CNBD1: variants seen among roughly 807,000 people sequenced by gnomAD.
The protein encoded by CNBD1 is cyclic nucleotide binding domain containing 1.
Under a neutral mutation model 54.4 loss-of-function variants are expected in CNBD1, and 71 were observed. The ratio of observed to expected loss-of-function variants is 1.30; its 90% CI spans 1.08 to 1.59. The LOEUF (loss-of-function observed/expected upper bound fraction) is 1.59. Ranked by LOEUF, CNBD1 falls within the 40% of genes most tolerant of loss-of-function variation. CNBD1 has a pLI of 0.00. For synonymous variants in CNBD1, 182 were observed against 170.7 expected (o/e 1.07, Z -0.51); for missense variants, 659 against 518.0 (o/e 1.27, Z -2.64).
At chr8:86,965,625 C>T (rs1481509630) in intron 4 of CNBD1, among the ~76,000 whole-genome samples, 3 of 152,158 alleles carry the variant, frequency 2.0e-5, no homozygotes, top group Non-Finnish European at 4.4e-5. Context: ...CTCACCCTTC[C>T]TGCAGATGAG....
At chr8:87,071,312 C>A (rs77729442) in intron 4 of CNBD1, among the ~76,000 whole-genome samples, 1,623 of 152,202 alleles carry the variant, frequency 0.011, 33 homozygotes, top group African/African-American at 0.034. Flanking sequence ...TATAGTTCTA[C>A]ATGTGGCAAT....
chr8:87,068,908 C>T (rs1307031029), intron 4 of CNBD1, among the ~76,000 whole-genome samples: 9 of 152,010 alleles, frequency 5.9e-5, no homozygotes, highest in African/African-American at 2.2e-4. Context: ...CACTCTCATA[C>T]AGAAAGAAAA....
Position 87,173,413 on chromosome 8 carries a change from A to G in CNBD1, c.432-32580A>G, listed in dbSNP as rs1316828284. Among the ~76,000 whole-genome samples the G allele has an allele frequency of 2.0e-5, 3 of 152,134 alleles. No homozygotes were observed. The East Asian group carries it at 5.8e-4, about 29-fold the overall frequency. ...TCAGATGATTTCTTATTGCTCATTA[A>G]CTTTCTTTTCTTTCTGATTGAAGTA... On this transcript the variant is annotated intron_variant, in intron 4 of 10. Coordinates refer to ENST00000518476, the MANE Select transcript of CNBD1 (RefSeq NM_173538.3).
At chr8:87,368,797 C>T (rs1810697651) in intron 10 of CNBD1, among the ~76,000 whole-genome samples, 1 of 151,954 alleles carries the variant, frequency 6.6e-6, no homozygotes, top group African/African-American at 2.4e-5. Context: ...CCTTGCTTGT[C>T]TCATTTTATC....
intron 6 of CNBD1, among the ~76,000 whole-genome samples, chr8:87,248,057 T>C (rs7462260): frequency 0.64 from 97,475 of 152,036 alleles, 31,617 homozygotes; most frequent in Middle Eastern, 0.7. Context: ...AGACTTTAAT[T>C]GTTCTGCAGC....
At chr8:87,134,526 T>C (rs1268733192) in intron 4 of CNBD1, among the ~76,000 whole-genome samples, 4 of 151,980 alleles carry the variant, frequency 2.6e-5, no homozygotes, top group Admixed American at 1.3e-4. Flanking sequence ...CAGAAAACTT[T>C]TTTAATTGTT....
intron 4 of CNBD1, among the ~76,000 whole-genome samples, chr8:87,158,705 C>T (rs1366728784): frequency 3.9e-5 from 6 of 152,094 alleles, no homozygotes; most frequent in Non-Finnish European, 7.4e-5. Context: ...GTAATGGATG[C>T]TCTGGTACTG....
intron 4 of CNBD1, among the ~76,000 whole-genome samples, chr8:87,089,087 A>G (rs755951178): frequency 2.6e-5 from 4 of 152,140 alleles, no homozygotes; most frequent in African/African-American, 7.2e-5. Flanking sequence ...AAGAGAAACA[A>G]AAGATGTAAA....
chr8:87,412,899 A>T (rs908995927), intron 2 of CNBD1, among the ~76,000 whole-genome samples: 1 of 152,052 alleles, frequency 6.6e-6, no homozygotes, highest in Admixed American at 6.6e-5. Context: ...GGAATAGAGA[A>T]AAAGTCAATT....
At chr8:87,327,062 C>A (rs915577103) in intron 8 of CNBD1, among the ~76,000 whole-genome samples, 5 of 149,610 alleles carry the variant, frequency 3.3e-5, no homozygotes, top group South Asian at 2.1e-4. Flanking sequence ...AATACCCTGC[C>A]GTGTGAGGTG....
intron 4 of CNBD1, among the ~76,000 whole-genome samples, chr8:86,984,408 C>G (rs894898554): frequency 2.6e-5 from 4 of 152,172 alleles, no homozygotes; most frequent in Non-Finnish European, 5.9e-5. Context: ...GGGGCGCAAT[C>G]TAGTGGAGCT....
intron 5 of CNBD1, among the ~76,000 whole-genome samples, chr8:87,233,002 A>G (rs1160865929): frequency 6.6e-6 from 1 of 152,150 alleles, no homozygotes; most frequent in African/African-American, 2.4e-5. Context: ...ACTAATTTAA[A>G]TTGGCCAAAA....
intron 2 of CNBD1, among the ~76,000 whole-genome samples, chr8:87,404,640 G>A (rs529678185): frequency 6.6e-6 from 1 of 152,192 alleles, no homozygotes; most frequent in South Asian, 2.1e-4. Flanking sequence ...TGGAAAAATG[G>A]ATCTGTAGTA....
chr8:87,294,574 C>T (rs1808844719), intron 8 of CNBD1, among the ~76,000 whole-genome samples: 1 of 152,170 alleles, frequency 6.6e-6, no homozygotes, highest in Non-Finnish European at 1.5e-5. Context: ...AGGAGAGTTG[C>T]TTTTATTTTC....
At chr8:87,418,491 A>G (rs1807872872) in intron 2 of CNBD1, among the ~76,000 whole-genome samples, 1 of 151,988 alleles carries the variant, frequency 6.6e-6, no homozygotes, top group Admixed American at 6.6e-5. Context: ...ACAAACAACC[A>G]AAGAAAGACT....
intron 4 of CNBD1, among the ~76,000 whole-genome samples, chr8:87,085,038 C>G (rs1196548778): frequency 2.6e-5 from 4 of 152,084 alleles, no homozygotes; most frequent in Non-Finnish European, 5.9e-5. Flanking sequence ...TAAATGTGTA[C>G]TTTGATTCCT....
At chr8:86,912,556 C>T (rs1157599975) in intron 3 of CNBD1, among the ~76,000 whole-genome samples, 1 of 152,086 alleles carries the variant, frequency 6.6e-6, no homozygotes, top group African/African-American at 2.4e-5. Context: ...TCAATGTAAA[C>T]AAATCTATTG....
At chr8:87,060,767 C>T (rs1338420595) in intron 4 of CNBD1, among the ~76,000 whole-genome samples, 3 of 152,006 alleles carry the variant, frequency 2.0e-5, no homozygotes, top group Non-Finnish European at 4.4e-5. Context: ...AGAATGTTTT[C>T]ATTAAATATG....
At chr8:86,900,401 C>T (rs1373716001) in intron 2 of CNBD1, among the ~76,000 whole-genome samples, 2 of 152,110 alleles carry the variant, frequency 1.3e-5, no homozygotes, top group Non-Finnish European at 2.9e-5. Context: ...TTTAACATGA[C>T]AGGCATTGCA....
Sources: allele counts gnomAD v4.1 joint callset (sites outside exome capture counted in the v4.1 genomes callset), GRCh38; gene constraint gnomAD v4.1.1; transcripts MANE v1.5; gene names NCBI Gene and HGNC (gene_info 2026-07-23, HGNC 2026-07-21).